Variants in FAAH2 observed in about 807,000 individuals in gnomAD.
The protein encoded by FAAH2 is fatty-acid amide hydrolase 2.
A neutral mutation model predicts 36.9 loss-of-function variants in FAAH2; 60 were observed. The ratio of observed to expected loss-of-function variants is 1.63; its 90% confidence interval spans 1.32 to 2.02. The LOEUF (loss-of-function observed/expected upper bound fraction) is 2.02. Ranked by LOEUF, FAAH2 falls within the 30% of genes most tolerant of loss-of-function variation. The pLI is 0.00. For missense variants in FAAH2, 689 were observed against 397.5 expected, an observed-to-expected ratio of 1.73 and a Z score of -6.23; for synonymous variants, 214 against 143.8, an observed-to-expected ratio of 1.49 and a Z score of -3.49.
At chrX:57,239,089 G>A in the FAAH2 span, among the ~76,000 whole-genome samples, 1,632 of 111,550 alleles carry the variant, frequency 0.015, 41 homozygotes, top group African/African-American at 0.05. Context: ...CCATTGATAG[G>A]CATTTAGGTT....
chrX:57,467,155 C>T (rs1322878937), intron 10 of FAAH2, among the ~76,000 whole-genome samples: 3 of 111,280 alleles, frequency 2.7e-5, no homozygotes, highest in Non-Finnish European at 5.7e-5. Context: ...CAGCTCCAGT[C>T]CACAGCTCCC....
chrX:57,445,303 C>A (rs1237834977), intron 8 of FAAH2, among the ~76,000 whole-genome samples: 1 of 111,234 alleles, frequency 9.0e-6, no homozygotes, highest in African/African-American at 3.3e-5. Flanking sequence ...TCCTGGGTCA[C>A]CAGGTAAAGT....
At chrX:57,318,458 C>G (rs182040403) in intron 3 of FAAH2, among the ~76,000 whole-genome samples, 3 of 111,347 alleles carry the variant, frequency 2.7e-5, no homozygotes, top group Non-Finnish European at 5.7e-5. Flanking sequence ...CCTCCCAAGT[C>G]TAAAGCAAAC....
At chrX:57,277,089 G>A in the FAAH2 span, among the ~76,000 whole-genome samples, 731 of 110,208 alleles carry the variant, frequency 6.6e-3, 4 homozygotes, top group African/African-American at 0.023. Flanking sequence ...GCCAGCATCA[G>A]CCTGATACCA....
chrX:57,190,091 G>A, the FAAH2 span, among the ~76,000 whole-genome samples: 1 of 111,327 alleles, frequency 9.0e-6, no homozygotes, highest in Non-Finnish European at 1.9e-5. Context: ...TTCTTTCAGA[G>A]ATACCCTGCC....
the FAAH2 span, among the ~76,000 whole-genome samples, chrX:57,193,132 T>C: frequency 8.9e-6 from 1 of 111,876 alleles, no homozygotes; most frequent in Admixed American, 9.5e-5. Flanking sequence ...GGGAGAAATA[T>C]CACTGAATTC....
chrX:57,300,614 C>G (rs764457687), intron 2 of FAAH2, among the ~76,000 whole-genome samples: 77 of 111,726 alleles, frequency 6.9e-4, no homozygotes, highest in African/African-American at 2.4e-3. Context: ...CAAATGGGAT[C>G]TAATTAAGCT....
chrX:57,291,674 A>G (rs1376008551), intron 1 of FAAH2, among the ~76,000 whole-genome samples: 3 of 109,080 alleles, frequency 2.8e-5, no homozygotes, highest in African/African-American at 1.0e-4. Context: ...ATTTCTTTTT[A>G]ATTATTTTTC....
intron 7 of FAAH2, among the ~76,000 whole-genome samples, chrX:57,388,357 G>T (rs762975414): frequency 9.0e-6 from 1 of 111,216 alleles, no homozygotes; most frequent in East Asian, 2.8e-4. Context: ...ATCAAACTTT[G>T]TGGGGGATAT....
At chrX:57,479,793 G>A (rs2057344204) in intron 10 of FAAH2, among the ~76,000 whole-genome samples, 1 of 111,323 alleles carries the variant, frequency 9.0e-6, no homozygotes, top group Non-Finnish European at 1.9e-5. Context: ...TTCGTATACT[G>A]AACCAGCCTT....
At chrX:57,216,586 A>ATATACG in the FAAH2 span, among the ~76,000 whole-genome samples, 2 of 30,527 alleles carry the variant, frequency 6.6e-5, no homozygotes, top group Non-Finnish European at 1.0e-4. Flanking sequence ...ATATATGTAT[A>ATATACG]TGTATATATA....
intron 3 of FAAH2, among the ~76,000 whole-genome samples, chrX:57,311,905 G>A (rs1238838930): frequency 1.8e-5 from 2 of 112,153 alleles, no homozygotes; most frequent in African/African-American, 3.2e-5. Flanking sequence ...AGAGTAAGGA[G>A]CAGAGATCTG....
chrX:57,220,832 C>A, the FAAH2 span, among the ~76,000 whole-genome samples: 2 of 111,663 alleles, frequency 1.8e-5, no homozygotes, highest in Non-Finnish European at 3.8e-5. Flanking sequence ...TAAGCAGCTC[C>A]CACAAGGACT....
intron 5 of FAAH2, among the ~76,000 whole-genome samples, chrX:57,367,258 G>T (rs966793247): frequency 3.2e-4 from 36 of 111,981 alleles, no homozygotes; most frequent in Non-Finnish European, 5.1e-4. Context: ...CCATGAAGTC[G>T]AAATTATTTT....
At chrX:57,416,935 C>CT (rs1183889878) in intron 7 of FAAH2, among the ~76,000 whole-genome samples, 266 of 110,613 alleles carry the variant, frequency 2.4e-3, no homozygotes, top group African/African-American at 7.8e-3. Context: ...TTTCTTCATT[C>CT]TTTTTTTTTC....
At chrX:57,348,733 C>A (rs764804461) in intron 5 of FAAH2, among the ~76,000 whole-genome samples, 22 of 111,142 alleles carry the variant, frequency 2.0e-4, no homozygotes, top group Non-Finnish European at 3.4e-4. Context: ...GCGTCTTGAG[C>A]CAAAGCCAAA....
At chrX:57,291,387 C>T (rs2051978413) in intron 1 of FAAH2, among the ~76,000 whole-genome samples, 1 of 111,600 alleles carries the variant, frequency 9.0e-6, no homozygotes, top group Non-Finnish European at 1.9e-5. Context: ...ATGATACCAC[C>T]TCTCCTTTCT....
At chrX:57,157,087 T>G in the FAAH2 span, among the ~76,000 whole-genome samples, 1 of 112,051 alleles carries the variant, frequency 8.9e-6, no homozygotes, top group East Asian at 2.8e-4. Flanking sequence ...GATCTGGTGC[T>G]TTATTTTACT....
At chrX:57,331,234 G>A (rs1298819270) in intron 3 of FAAH2, among the ~76,000 whole-genome samples, 2 of 111,597 alleles carry the variant, frequency 1.8e-5, no homozygotes, top group Non-Finnish European at 3.8e-5. Context: ...GTCCATGGTG[G>A]TCAAGGGTAT....
Sources: gnomAD v4.1 joint callset for allele counts (sites outside exome capture counted in the v4.1 genomes callset) on GRCh38, gnomAD v4.1.1 for gene constraint, MANE v1.5 for transcripts, NCBI Gene and HGNC (gene_info 2026-07-23, HGNC 2026-07-21) for gene names.